The following SHANK2 variants were observed in gnomAD, a reference collection of about 807,000 sequenced individuals.
The protein encoded by SHANK2 is SH3 and multiple ankyrin repeat domains 2.
SHANK2 carries 43 observed loss-of-function variants against 133.7 expected under a neutral mutation model. The observed-to-expected ratio is 0.32, with a 90% confidence interval of 0.25 to 0.41. The LOEUF is 0.41. Among genes scored for constraint, SHANK2 ranks in the 10% least tolerant of loss-of-function variants. The probability of loss-of-function intolerance (pLI) is 1.00; values close to 1 mark genes in which losing one functional copy is unlikely to be tolerated. For missense variants in SHANK2, 1,994 were observed against 2,235.8 expected, an observed-to-expected ratio of 0.89 and a Z score of 2.18; for synonymous variants, 1,017 against 952.8, an observed-to-expected ratio of 1.07 and a Z score of -1.24.
intron 8 of SHANK2, among the ~76,000 whole-genome samples, chr11:71,089,054 C>T (rs1951459604): frequency 6.6e-6 from 1 of 152,238 alleles, no homozygotes; most frequent in South Asian, 2.1e-4. Flanking sequence ...TTGACCTTGA[C>T]CTCAAATCAG....
chr11:70,520,575 T>G (rs923305071), intron 17 of SHANK2, among the ~76,000 whole-genome samples: 8 of 152,200 alleles, frequency 5.3e-5, no homozygotes, highest in African/African-American at 1.7e-4. Context: ...GAGGGCTCAC[T>G]GGGCTCCCCC....
intron 17 of SHANK2, among the ~76,000 whole-genome samples, chr11:70,516,835 G>A (rs1453806712): frequency 2.6e-5 from 4 of 152,176 alleles, no homozygotes; most frequent in African/African-American, 7.2e-5. Flanking sequence ...TTGGGGGGCC[G>A]AGTCGGGTGG....
At chr11:71,166,460 C>A (rs1953151397) in intron 2 of SHANK2, among the ~76,000 whole-genome samples, 1 of 151,804 alleles carries the variant, frequency 6.6e-6, no homozygotes, top group South Asian at 2.1e-4. Flanking sequence ...GGTTTACCTT[C>A]CAATCCACAC....
intron 17 of SHANK2, among the ~76,000 whole-genome samples, chr11:70,547,150 C>T (rs2059705552): frequency 6.6e-6 from 1 of 152,166 alleles, no homozygotes; most frequent in Non-Finnish European, 1.5e-5. Flanking sequence ...GCCCTAAATC[C>T]CCACTAGCCC....
intron 17 of SHANK2, among the ~76,000 whole-genome samples, chr11:70,551,656 G>A (rs1053376709): frequency 2.8e-4 from 42 of 152,184 alleles, no homozygotes; most frequent in Non-Finnish European, 4.8e-4. Context: ...ATTCTACAAC[G>A]ATGCGCTAGT....
At chr11:70,841,297 T>C (rs1183197926) in intron 11 of SHANK2, among the ~76,000 whole-genome samples, 2 of 152,008 alleles carry the variant, frequency 1.3e-5, no homozygotes, top group African/African-American at 2.4e-5. Flanking sequence ...ATCACCGCAG[T>C]GAAAGGTGGG....
intron 11 of SHANK2, among the ~76,000 whole-genome samples, chr11:70,838,983 A>G (rs1274150481): frequency 2.6e-5 from 4 of 152,162 alleles, no homozygotes; most frequent in African/African-American, 9.7e-5. Flanking sequence ...GCTTTTGGCC[A>G]CTTGCCCAGG....
At chr11:70,885,715 C>T (rs140572021) in intron 11 of SHANK2, among the ~76,000 whole-genome samples, 2 of 152,260 alleles carry the variant, frequency 1.3e-5, no homozygotes, top group East Asian at 1.9e-4. Context: ...ACAATTGCCC[C>T]GGGAGCACCA....
chr11:70,588,770 TC>T (rs1386121265), intron 17 of SHANK2, among the ~76,000 whole-genome samples: 1 of 152,206 alleles, frequency 6.6e-6, no homozygotes, highest in Non-Finnish European at 1.5e-5. Flanking sequence ...CTAGTTAACT[TC>T]ATTGATGAAG....
chr11:70,833,684 C>G (rs1237687499), intron 11 of SHANK2, among the ~76,000 whole-genome samples: 1 of 152,266 alleles, frequency 6.6e-6, no homozygotes, highest in East Asian at 1.9e-4. Flanking sequence ...TACTTACGCA[C>G]AGTGGGTGCT....
In SHANK2 at chr11:70,933,582, T is replaced by C. The variant is rs117387659; in HGVS notation, c.1108-37015A>G. Among the ~76,000 whole-genome samples, 1,363 of 152,232 alleles carry C rather than the reference T, an allele frequency of 9.0e-3. 11 individuals are homozygous for C. Among genetic ancestry groups the C allele is most frequent in the Non-Finnish European group, 0.013 (886 of 68,012 alleles). On this transcript the variant is annotated intron_variant, in intron 10 of 25. Transcript: ENST00000601538. ...TAAATTCTCTTGAAAACCAGGAAGATCTGACAACAATGGGTATATATGTAT... is the reference window on the plus strand; with the variant it reads ...TAAATTCTCTTGAAAACCAGGAAGACCTGACAACAATGGGTATATATGTAT...
At chr11:70,550,312 C>T (rs1040210989) in intron 17 of SHANK2, among the ~76,000 whole-genome samples, 1 of 152,176 alleles carries the variant, frequency 6.6e-6, no homozygotes, top group Non-Finnish European at 1.5e-5. Flanking sequence ...AGGAGACCCT[C>T]CCTACCTGGA....
intron 15 of SHANK2, among the ~76,000 whole-genome samples, chr11:70,697,777 G>A (rs1224362325): frequency 6.6e-6 from 1 of 152,166 alleles, no homozygotes; most frequent in Non-Finnish European, 1.5e-5. Flanking sequence ...AGGGCTTCCG[G>A]ACCCTCCCAC....
At chr11:70,635,415 A>G (rs1555003593) in intron 17 of SHANK2, 1 of 152,214 alleles carries the variant, frequency 6.6e-6, no homozygotes, top group Non-Finnish European at 1.5e-5. Context: ...ATGCTACAAC[A>G]CGGAGGAACC....
intron 15 of SHANK2, 196 bp from the exon 16 acceptor site, chr11:70,661,874 G>A (rs1173468012): frequency 8.1e-6 from 12 of 1,488,034 alleles, no homozygotes; most frequent in East Asian, 4.5e-5. Context: ...CGGGATAGGC[G>A]AGCGTGGCAC....
intron 14 of SHANK2, among the ~76,000 whole-genome samples, chr11:70,731,522 T>A (rs144370771): frequency 6.6e-6 from 1 of 152,236 alleles, no homozygotes; most frequent in Non-Finnish European, 1.5e-5. Context: ...TGTGGCCTTT[T>A]GTGTCTGACT....
chr11:71,079,847 A>G (rs1442477937), intron 8 of SHANK2, among the ~76,000 whole-genome samples: 3,112 of 80,898 alleles, frequency 0.038, 98 homozygotes, highest in Non-Finnish European at 0.05. Flanking sequence ...GAGGGGAAGG[A>G]AGGGGAGGGG....
chr11:70,493,194 T>G (rs1330722304), intron 21 of SHANK2, among the ~76,000 whole-genome samples: 2 of 150,668 alleles, frequency 1.3e-5, no homozygotes, highest in Non-Finnish European at 3.0e-5. Flanking sequence ...TTTTTTTTTT[T>G]GAAGAGACTC....
At chr11:71,195,990 T>C (rs2135599501) in intron 2 of SHANK2, among the ~76,000 whole-genome samples, 1 of 152,166 alleles carries the variant, frequency 6.6e-6, no homozygotes, top group South Asian at 2.1e-4. Flanking sequence ...GGGACCAGCC[T>C]GAGCAACATA....
Sources: allele counts gnomAD v4.1 joint callset (sites outside exome capture counted in the v4.1 genomes callset), GRCh38; gene constraint gnomAD v4.1.1; transcripts MANE v1.5; gene names NCBI Gene and HGNC (gene_info 2026-07-23, HGNC 2026-07-21).